The following USP42 variants were observed in gnomAD, a reference collection of about 807,000 sequenced individuals.
USP42 encodes the protein ubiquitin carboxyl-terminal hydrolase 42.
A neutral mutation model predicts 113.0 loss-of-function variants in USP42; 23 were observed. The observed-to-expected ratio is 0.20, with a 90% CI of 0.15 to 0.29. USP42 has a LOEUF of 0.29. Among genes scored for constraint, USP42 ranks in the 10% least tolerant of loss-of-function variants. The pLI, the probability that USP42 is intolerant of heterozygous loss-of-function variation, is 1.00. For synonymous variants in USP42, 933 were observed against 699.0 expected (o/e 1.33, Z -5.28); for missense variants, 2,174 against 1,779.8 (o/e 1.22, Z -3.99).
At chr7:6,133,671 C>A (rs1583632314) in intron 3 of USP42, among the ~76,000 whole-genome samples, 1 of 151,988 alleles carries the variant, frequency 6.6e-6, no homozygotes, top group Admixed American at 6.6e-5. Flanking sequence ...AAGCACGTGC[C>A]ACCACACCTG....
chr7:6,092,125 T>TCTTCTTCTTCTTCTTCCTCC, the USP42 span, among the ~76,000 whole-genome samples: 1 of 143,984 alleles, frequency 6.9e-6, no homozygotes, highest in Non-Finnish European at 1.5e-5. Context: ...TTCCTCTTCC[T>TCTTCTTCTTCTTCTTCCTCC]TCTTCTTCTT....
rs1251287773 is a variant in USP42 at position 6,157,747 on chromosome 7, C to A, written c.3943+692C>A. On this transcript the variant is annotated intron_variant, in intron 16 of 17. Coordinates refer to ENST00000306177, the MANE Select transcript of USP42 (RefSeq NM_032172.3). This position sits in a 1 kb window ranked among gnomAD's most constrained non-coding sequence, Gnocchi z 4.1. ...TCGGTACTGATTTGCTCGCTTGGTT[C>A]CTTAGAAGCGTGGGCACCAGCCTCT... Among the ~76,000 whole-genome samples the A allele has an allele frequency of 6.6e-6, 1 of 152,214 alleles. No homozygotes were observed. The highest frequency in any genetic ancestry group is 1.9e-4 in the East Asian group (1 of 5,198).
upstream of USP42, among the ~76,000 whole-genome samples, chr7:6,100,180 TC>T (rs979851041): frequency 8.8e-5 from 13 of 148,376 alleles, 1 homozygote; most frequent in African/African-American, 2.6e-4. Context: ...TGACTACTTC[TC>T]CTATATCCTC....
intron 9 of USP42, 44 bp from the exon 10 acceptor site, chr7:6,145,472 T>A: frequency 6.2e-7 from 1 of 1,612,832 alleles, no homozygotes; most frequent in Non-Finnish European, 8.5e-7. Flanking sequence ...TGTGGAATGA[T>A]CTGTGCCCTC....
At chr7:6,085,301 G>A in the USP42 span, 1 of 142,600 alleles carries the variant, frequency 7.0e-6, no homozygotes, top group African/African-American at 2.6e-5. Flanking sequence ...TTTTTTTTTA[G>A]TTTTTAGTAG....
At position 6,147,752 on chromosome 7, in the gene USP42, A is replaced by G. The variant is rs758514756; in HGVS notation, c.1246A>G (p.Lys416Glu). 1 of 1,584,242 alleles carries G rather than the reference A, an allele frequency of 6.3e-7. No homozygotes were observed. The highest frequency in any genetic ancestry group is 8.6e-7 in the Non-Finnish European group (1 of 1,159,050). The change falls in exon 12 of 18, where the codon AAA (lysine) becomes GAA (glutamate). Residue 416 changes from lysine to glutamate, a missense_variant. Lys to Glu is a moderately conservative substitution (Grantham distance 56). Coordinates refer to ENST00000306177, the MANE Select transcript of USP42 (RefSeq NM_032172.3). ...CCTTGTTTCCAGGTCCCATGATGTG[A>G]AAAATGGAGGTGAACTTACTCATCC... is the stretch of plus-strand genomic sequence containing the variant. Reference protein sequence around the residue: ...VLFYIRSHDVKNGGELTHPTH... With the variant: ...VLFYIRSHDVENGGELTHPTH...
rs954148362 is a variant in USP42 at position 6,157,867 on chromosome 7, C to T, written c.3943+812C>T. On this transcript the variant is annotated intron_variant, in intron 16 of 17. Coordinates refer to ENST00000306177, the MANE Select transcript of USP42 (RefSeq NM_032172.3). The surrounding 1 kb of genome is among the most constrained non-coding windows in gnomAD (Gnocchi z 4.1). ...TCTTCTGCCCTGTGGGGCTGTGTCT[C>T]CGTCCTGTGGCCACACGCTGTGCTC... 6.6e-6 allele frequency among the ~76,000 whole-genome samples: 1 copy of T among 152,158 alleles called. No homozygotes were observed. Among genetic ancestry groups the T allele is most frequent in the African/African-American group, 2.4e-5 (1 of 41,440 alleles).
intron 3 of USP42, among the ~76,000 whole-genome samples, chr7:6,122,007 A>G (rs180694308): frequency 3.9e-5 from 6 of 152,162 alleles, no homozygotes; most frequent in Admixed American, 3.3e-4. Flanking sequence ...AATGTTACTG[A>G]TCTTCTCAAA....
chr7:6,121,448 T>C (rs139092090), intron 3 of USP42, among the ~76,000 whole-genome samples: 2 of 152,352 alleles, frequency 1.3e-5, no homozygotes, highest in African/African-American at 4.8e-5. Context: ...TATTAGCCTA[T>C]AGTTTCTTAT....
chr7:6,124,411 G>T (rs561841304), intron 3 of USP42, among the ~76,000 whole-genome samples: 1 of 151,454 alleles, frequency 6.6e-6, no homozygotes, highest in African/African-American at 2.4e-5. Context: ...GGGACTACGG[G>T]TGCACCACCA....
chr7:6,142,728 A>G (rs1055175761), intron 7 of USP42, among the ~76,000 whole-genome samples: 2 of 152,032 alleles, frequency 1.3e-5, no homozygotes, highest in Non-Finnish European at 1.5e-5. Flanking sequence ...CTACAAAAAA[A>G]TGAAAAATTT....
At chr7:6,120,369 G>C (rs1583598888) in intron 3 of USP42, among the ~76,000 whole-genome samples, 1 of 152,060 alleles carries the variant, frequency 6.6e-6, no homozygotes, top group East Asian at 1.9e-4. Context: ...CAGCCTCCCA[G>C]GTAACTGGGA....
At chr7:6,155,233 C>G (rs1782375104) in intron 15 of USP42, 38 bp downstream of exon 15, 1 of 1,488,128 alleles carries the variant, frequency 6.7e-7, no homozygotes, top group Non-Finnish European at 8.9e-7. Context: ...GGCGCTGGCG[C>G]TGCTGTCAGC....
upstream of USP42, among the ~76,000 whole-genome samples, chr7:6,100,004 C>CTATTTTTTTTATTATTATTATTATTAT (rs141280623): frequency 6.9e-6 from 1 of 144,290 alleles, no homozygotes; most frequent in Non-Finnish European, 1.5e-5. Context: ...TTTCACAAGT[C>CTATTTTTTTTATTATTATTATTATTAT]TATTATTATT....
At chr7:6,102,293 T>C (rs924875773), upstream of USP42, among the ~76,000 whole-genome samples, 1 of 149,620 alleles carries the variant, frequency 6.7e-6, no homozygotes, top group African/African-American at 2.5e-5. Flanking sequence ...TTTGTATTTT[T>C]AGTAGAGACA....
intron 14 of USP42, among the ~76,000 whole-genome samples, chr7:6,151,011 G>C (rs1782017341): frequency 6.6e-6 from 1 of 152,218 alleles, no homozygotes; most frequent in Admixed American, 6.5e-5. Flanking sequence ...CGGCTCCTAG[G>C]CCACAAACCT....
At chr7:6,124,343 C>T (rs1338829478) in intron 3 of USP42, among the ~76,000 whole-genome samples, 4 of 152,174 alleles carry the variant, frequency 2.6e-5, no homozygotes, top group African/African-American at 4.8e-5. Context: ...TCTCGGCTCA[C>T]TGCAACCTTC....
At position 6,160,934 on chromosome 7, in the gene USP42, G is replaced by T. The variant is rs1167652712; in HGVS notation, c.*416G>T. The T allele has an allele frequency of 6.6e-6, 1 of 152,618 alleles. No homozygotes were observed. Among genetic ancestry groups the T allele is most frequent in the Non-Finnish European group, 1.5e-5 (1 of 68,036 alleles). The allele number at this position is 152,618 out of a possible 1,614,324, so 9.5% of individuals were successfully genotyped here. On this transcript the variant is annotated 3_prime_UTR_variant, in exon 18 of 18. Coordinates refer to ENST00000306177, the MANE Select transcript of USP42 (RefSeq NM_032172.3). ...ATTGTCAAAAGTACAAACTGACAGT[G>T]TGTATATTTAATTTAAAGACTTATT...
At chr7:6,085,608 A>G in the USP42 span, among the ~76,000 whole-genome samples, 9 of 137,030 alleles carry the variant, frequency 6.6e-5, no homozygotes, top group Non-Finnish European at 1.2e-4. Flanking sequence ...ATACAAATAT[A>G]TATATATATA....
Sources: gnomAD v4.1 joint callset for allele counts (sites outside exome capture counted in the v4.1 genomes callset) on GRCh38, gnomAD v4.1.1 for gene constraint, Gnocchi (gnomAD v3.1) non-coding constraint, MANE v1.5 for transcripts, NCBI Gene and HGNC (gene_info 2026-07-23, HGNC 2026-07-21) for gene names.